Variants in FAM24B observed in about 807,000 individuals in gnomAD.
FAM24B encodes protein FAM24B.
A neutral mutation model predicts 2.3 loss-of-function variants in FAM24B; 3 were observed. The observed-to-expected ratio is 1.29, with a 90% confidence interval of 0.59 to 3.32. FAM24B has a LOEUF of 3.32. Ranked by LOEUF, FAM24B falls within the 30% of genes most tolerant of loss-of-function variation. The pLI, the probability that FAM24B is intolerant of heterozygous loss-of-function variation, is 0.03. For missense variants in FAM24B, 98 were observed against 117.2 expected (o/e 0.84, Z 0.76); for synonymous variants, 36 against 46.3 (o/e 0.78, Z 0.90).
chr10:122,856,945 C>T (rs1009079540), intron 1 of FAM24B, among the ~76,000 whole-genome samples: 6 of 152,180 alleles, frequency 3.9e-5, no homozygotes, highest in Non-Finnish European at 5.9e-5. Context: ...CAGAGCCAGG[C>T]CCAGCCCTGC....
At chr10:122,878,542 A>G (rs909238562) in intron 1 of FAM24B, among the ~76,000 whole-genome samples, 3 of 152,024 alleles carry the variant, frequency 2.0e-5, no homozygotes, top group African/African-American at 7.3e-5. Flanking sequence ...AAAAGAAAAA[A>G]AAAAGTAATG....
At position 122,850,479 on chromosome 10, in the gene FAM24B, G is replaced by A. The variant is rs774662413; in HGVS notation, c.37C>T (p.Leu13Phe). Residue 13 changes from leucine (L) to phenylalanine (F), a missense_variant, in exon 3 of 4, where the codon CTC becomes TTC. Physicochemically the swap from Leu to Phe is conservative, Grantham distance 22. Transcript: ENST00000368898. ...VIAGGILAALLLLIVVVLCLY... is the reference protein window; with the variant it reads ...VIAGGILAALFLLIVVVLCLY... ...CAGAGCACGACAACTATCAGCAGGA[G>A]CAAGGCCGCCAGGATACCACCAGCG... The A allele has an allele frequency of 1.4e-5, 22 of 1,613,936 alleles. No individual in the cohort carries two copies. The highest frequency in any genetic ancestry group is 1.3e-5 in the Non-Finnish European group (15 of 1,179,952).
chr10:122,872,067 G>A (rs989560355), intron 1 of FAM24B, among the ~76,000 whole-genome samples: 14 of 152,042 alleles, frequency 9.2e-5, no homozygotes, highest in Non-Finnish European at 1.6e-4. Flanking sequence ...TCCAGAATCT[G>A]CAATGAACTC....
intron 3 of FAM24B, 104 bp from the exon 4 acceptor site, chr10:122,849,543 C>G: frequency 1.1e-6 from 1 of 943,398 alleles, no homozygotes; most frequent in South Asian, 2.0e-5. Flanking sequence ...TGAAGCCAGT[C>G]AAACATGAAC....
intron 1 of FAM24B, among the ~76,000 whole-genome samples, chr10:122,869,937 A>G (rs1290843757): frequency 1.3e-5 from 2 of 152,244 alleles, no homozygotes; most frequent in Non-Finnish European, 2.9e-5. Context: ...CTAAGATCAG[A>G]GCAGAACTGA....
intron 1 of FAM24B, among the ~76,000 whole-genome samples, chr10:122,857,105 A>T (rs111443757): frequency 0.015 from 2,273 of 152,314 alleles, 54 homozygotes; most frequent in African/African-American, 0.046. Flanking sequence ...AAAGCAGTTT[A>T]CTTCTCCTTC....
chr10:122,859,836 G>A (rs1847699408), intron 1 of FAM24B, among the ~76,000 whole-genome samples: 1 of 152,116 alleles, frequency 6.6e-6, no homozygotes, highest in African/African-American at 2.4e-5. Flanking sequence ...ATGCCCCATT[G>A]AGGCAGTGTG....
At position 122,853,931 on chromosome 10, in the gene FAM24B, T is replaced by C. The variant is rs906042397; in HGVS notation, c.-36+1714A>G. ...CTGTGGTTACCTGATTGCTGTTTGA[T>C]AGTCTGTGGGCTTGTGCATTTAAAG... On this transcript the variant is annotated intron_variant, in intron 2 of 3. Coordinates refer to ENST00000368898, the MANE Select transcript of FAM24B (RefSeq NM_152644.3). Among the ~76,000 whole-genome samples, 11 of 152,180 alleles carry C rather than the reference T, an allele frequency of 7.2e-5. 1 individual carries two copies. The highest frequency in any genetic ancestry group is 7.2e-4 in the Admixed American group (11 of 15,282).
At chr10:122,856,135 CAG>C (rs764454604) in intron 1 of FAM24B, among the ~76,000 whole-genome samples, 3 of 152,230 alleles carry the variant, frequency 2.0e-5, no homozygotes, top group Admixed American at 6.5e-5. Flanking sequence ...CCTGCTGAAG[CAG>C]AGAGTGTCCA....
chr10:122,860,878 G>A (rs1048081499), intron 1 of FAM24B, among the ~76,000 whole-genome samples: 1 of 151,930 alleles, frequency 6.6e-6, no homozygotes, highest in Non-Finnish European at 1.5e-5. Flanking sequence ...CTGAAATTAG[G>A]TATTTACTTT....
At chr10:122,874,219 C>T (rs1278687516) in intron 1 of FAM24B, among the ~76,000 whole-genome samples, 1 of 152,198 alleles carries the variant, frequency 6.6e-6, no homozygotes, top group African/African-American at 2.4e-5. Flanking sequence ...TTGTTGAAGT[C>T]TCCAAGAGTA....
chr10:122,861,865 A>G (rs1442917604), intron 1 of FAM24B, among the ~76,000 whole-genome samples: 2 of 152,218 alleles, frequency 1.3e-5, no homozygotes, highest in East Asian at 3.8e-4. Flanking sequence ...CTCTAACAGT[A>G]CCCACTGACC....
chr10:122,849,551 A>C, intron 3 of FAM24B, 112 bp from the exon 4 acceptor site: 2 of 897,916 alleles, frequency 2.2e-6, no homozygotes. Context: ...GTCAAACATG[A>C]ACACCAGCCC....
chr10:122,876,011 T>G (rs1277303837), intron 1 of FAM24B, among the ~76,000 whole-genome samples: 5 of 152,214 alleles, frequency 3.3e-5, no homozygotes, highest in Non-Finnish European at 7.3e-5. Context: ...AGGGAAGAAT[T>G]AGCAAGAAAT....
chr10:122,868,294 A>T (rs1202034758), intron 1 of FAM24B, among the ~76,000 whole-genome samples: 11 of 152,198 alleles, frequency 7.2e-5, no homozygotes, highest in Non-Finnish European at 1.5e-4. Flanking sequence ...GAAAAGACCA[A>T]ATCTACGTCT....
intron 1 of FAM24B, among the ~76,000 whole-genome samples, chr10:122,879,221 G>T (rs979279060): frequency 3.3e-5 from 5 of 152,348 alleles, no homozygotes; most frequent in South Asian, 2.1e-4. Flanking sequence ...GGCACCTGGG[G>T]AAGGCCCGTG....
chr10:122,874,417 AT>A (rs1455053151), intron 1 of FAM24B, among the ~76,000 whole-genome samples: 1 of 152,118 alleles, frequency 6.6e-6, no homozygotes, highest in Non-Finnish European at 1.5e-5. Context: ...TGGAGAACTT[AT>A]TTTAATATTT....
chr10:122,875,996 C>G (rs550248786), intron 1 of FAM24B, among the ~76,000 whole-genome samples: 1 of 152,198 alleles, frequency 6.6e-6, no homozygotes, highest in Non-Finnish European at 1.5e-5. Flanking sequence ...AGACAGCCCA[C>G]CCTGAGGGAA....
chr10:122,867,492 C>T (rs1249964383), intron 1 of FAM24B, among the ~76,000 whole-genome samples: 4 of 152,220 alleles, frequency 2.6e-5, no homozygotes, highest in Non-Finnish European at 5.9e-5. Context: ...CAGACTGCCT[C>T]CTCAAGTGGG....
Sources: allele counts gnomAD v4.1 joint callset (sites outside exome capture counted in the v4.1 genomes callset), GRCh38; gene constraint gnomAD v4.1.1; transcripts MANE v1.5; gene names NCBI Gene and HGNC (gene_info 2026-07-23, HGNC 2026-07-21).